LOXL2: variants seen among roughly 807,000 people sequenced by gnomAD.
The protein encoded by LOXL2 is lysyl oxidase homolog 2.
LOXL2 carries 70 observed loss-of-function variants against 93.0 expected under a neutral mutation model. The ratio of observed to expected loss-of-function variants is 0.75; its 90% confidence interval spans 0.62 to 0.92. LOXL2 has a LOEUF of 0.92. Ranked by LOEUF, LOXL2 falls within the 40% of genes least tolerant of loss-of-function variation. The pLI, the probability that LOXL2 is intolerant of heterozygous loss-of-function variation, is 0.00. For missense variants in LOXL2, 973 were observed against 1,054.9 expected (o/e 0.92, Z 1.08); for synonymous variants, 438 against 413.2 (o/e 1.06, Z -0.73).
chr8:23,383,949 C>T (rs533593566), intron 1 of LOXL2, among the ~76,000 whole-genome samples: 2 of 152,224 alleles, frequency 1.3e-5, no homozygotes, highest in East Asian at 1.9e-4. Flanking sequence ...CGTGAGCCAC[C>T]GTGCCCGGCC....
chr8:23,398,014 G>C (rs1585386572), intron 1 of LOXL2, among the ~76,000 whole-genome samples: 1 of 147,600 alleles, frequency 6.8e-6, no homozygotes, highest in Non-Finnish European at 1.5e-5. Flanking sequence ...TTTTATATTT[G>C]TAATTGTTTT....
intron 6 of LOXL2, among the ~76,000 whole-genome samples, chr8:23,322,632 C>T (rs1407673669): frequency 1.3e-5 from 2 of 152,206 alleles, no homozygotes; most frequent in East Asian, 1.9e-4. Context: ...ATATTCCATG[C>T]ATTTATGAAT....
chr8:23,343,970 C>A, intron 3 of LOXL2, among the ~76,000 whole-genome samples: 1 of 152,258 alleles, frequency 6.6e-6, no homozygotes, highest in South Asian at 2.1e-4. Context: ...ACAGGGCAGG[C>A]GGCCCGGGCT....
chr8:23,369,775 G>T (rs1187865435), intron 1 of LOXL2, among the ~76,000 whole-genome samples: 1 of 152,122 alleles, frequency 6.6e-6, no homozygotes, highest in Non-Finnish European at 1.5e-5. Flanking sequence ...GTGATGGAGG[G>T]TTCCTGTGAT....
At chr8:23,339,084 G>C (rs1040440368) in intron 4 of LOXL2, among the ~76,000 whole-genome samples, 33 of 152,142 alleles carry the variant, frequency 2.2e-4, no homozygotes, top group Middle Eastern at 6.8e-3. Flanking sequence ...GCTCAGCCCC[G>C]ACAGCCCACC....
At chr8:23,353,774 G>A (rs1383611834) in intron 3 of LOXL2, among the ~76,000 whole-genome samples, 1 of 152,146 alleles carries the variant, frequency 6.6e-6, no homozygotes, top group East Asian at 1.9e-4. Context: ...AAACTACCTT[G>A]TAAATGATGA....
At chr8:23,322,865 T>C (rs1158933508) in intron 6 of LOXL2, among the ~76,000 whole-genome samples, 1 of 152,166 alleles carries the variant, frequency 6.6e-6, no homozygotes, top group Admixed American at 6.5e-5. Context: ...GATTCAAAGA[T>C]GGGTAAGGCA....
intron 1 of LOXL2, among the ~76,000 whole-genome samples, chr8:23,371,741 G>T (rs1804498807): frequency 1.9e-5 from 2 of 104,466 alleles, no homozygotes; most frequent in Admixed American, 2.7e-4. Context: ...GAAAGAGTGA[G>T]AGTCTGTCTC....
In LOXL2 at chr8:23,303,353, T is replaced by C. The variant is rs1803171792; in HGVS notation, c.1925A>G (p.Asn642Ser). Reference protein sequence around the residue: ...MEVFTHYDLLNLNGTKVAEGH... With the variant: ...MEVFTHYDLLSLNGTKVAEGH... ...CTCTGCCACCTTGGTGCCATTGAGGTTCAGCAGGTCATAGTGGGTGAACAC... is the reference window on the plus strand; with the variant it reads ...CTCTGCCACCTTGGTGCCATTGAGGCTCAGCAGGTCATAGTGGGTGAACAC... The change falls in exon 11 of 14, where the codon AAC becomes AGC. Residue 642 changes from asparagine to serine, a missense_variant. By Grantham distance (46) the Asn-to-Ser change is conservative. Transcript: ENST00000389131. 1.9e-6 allele frequency: 3 copies of C among 1,613,438 alleles called. No homozygotes were observed. Among genetic ancestry groups the C allele is most frequent in the Non-Finnish European group, 2.5e-6 (3 of 1,179,816 alleles).
intron 1 of LOXL2, among the ~76,000 whole-genome samples, chr8:23,383,740 A>C (rs1157931801): frequency 7.1e-6 from 1 of 140,280 alleles, no homozygotes; most frequent in Admixed American, 7.6e-5. Flanking sequence ...GGCTCACTGC[A>C]AGCTCTGCCT....
intron 1 of LOXL2, among the ~76,000 whole-genome samples, chr8:23,386,896 G>A (rs1434713457): frequency 6.6e-6 from 1 of 152,184 alleles, no homozygotes; most frequent in African/African-American, 2.4e-5. Context: ...GGTCCGCAAG[G>A]GGAAGGCCTC....
intron 6 of LOXL2, among the ~76,000 whole-genome samples, chr8:23,323,675 ATG>A (rs1803533495): frequency 7.3e-6 from 1 of 136,750 alleles, no homozygotes; most frequent in South Asian, 2.3e-4. Context: ...TAATTATAAT[ATG>A]TGTTTTGCCA....
chr8:23,377,528 T>C (rs1804612698), intron 1 of LOXL2, among the ~76,000 whole-genome samples: 2 of 146,198 alleles, frequency 1.4e-5, no homozygotes, highest in South Asian at 4.4e-4. Flanking sequence ...TGTCTAATGT[T>C]GACAGTGGGG....
intron 3 of LOXL2, among the ~76,000 whole-genome samples, chr8:23,354,790 T>A (rs959453550): frequency 1.3e-5 from 2 of 151,784 alleles, no homozygotes; most frequent in African/African-American, 4.8e-5. Context: ...CCTGGCAGGA[T>A]GTTGTCCAGT....
At chr8:23,311,506 A>T (rs1803318535) in intron 9 of LOXL2, among the ~76,000 whole-genome samples, 1 of 152,216 alleles carries the variant, frequency 6.6e-6, no homozygotes, top group African/African-American at 2.4e-5. Flanking sequence ...CTCTGAGCTG[A>T]GCATGGAGGT....
At chr8:23,306,799 C>T (rs1395053737) in intron 10 of LOXL2, among the ~76,000 whole-genome samples, 2 of 152,234 alleles carry the variant, frequency 1.3e-5, no homozygotes, top group African/African-American at 4.8e-5. Context: ...CATCTGTGCC[C>T]CATGCTTTGT....
chr8:23,317,029 G>A lies in LOXL2; in HGVS notation c.1556C>T (p.Ala519Val), dbSNP rs761360325. 8.7e-6 allele frequency: 14 copies of A among 1,614,054 alleles called. No individual in the cohort carries two copies. Among genetic ancestry groups the A allele is most frequent in the South Asian group, 3.3e-5 (3 of 91,086 alleles). ...GTCCTCCCCGTCGTGGCGGCAGTGCGCCAGGGACAGCTCCGTTCCCGAGCA... is the reference window on the plus strand; with the variant it reads ...GTCCTCCCCGTCGTGGCGGCAGTGCACCAGGGACAGCTCCGTTCCCGAGCA... Reference protein sequence around the residue: ...VKCSGTELSLAHCRHDGEDVA... With the variant: ...VKCSGTELSLVHCRHDGEDVA... The change falls in exon 9 of 14, where the codon GCG becomes GTG. Residue 519 changes from alanine to valine, a missense_variant. Coordinates refer to ENST00000389131, the MANE Select transcript of LOXL2 (RefSeq NM_002318.3).
At position 23,368,385 on chromosome 8, in the gene LOXL2, C is replaced by A; in HGVS notation, c.-34G>T. The A allele has an allele frequency of 6.3e-7, 1 of 1,576,562 alleles. No homozygotes were observed. Among genetic ancestry groups the A allele is most frequent in the Non-Finnish European group, 8.7e-7 (1 of 1,153,538 alleles). Reference sequence around the variant, plus strand: ...TCGGGCTGATGATCCCACGAAGGGGCCCTGCGCAGCTGGGAGGGACAGGCG... The same window carrying A: ...TCGGGCTGATGATCCCACGAAGGGGACCTGCGCAGCTGGGAGGGACAGGCG... On this transcript the variant is annotated 5_prime_UTR_variant, in exon 2 of 14. Coordinates refer to ENST00000389131, the MANE Select transcript of LOXL2 (RefSeq NM_002318.3).
intron 5 of LOXL2, among the ~76,000 whole-genome samples, chr8:23,332,809 C>T (rs1803722808): frequency 1.1e-5 from 1 of 94,856 alleles, no homozygotes; most frequent in African/African-American, 4.3e-5. Flanking sequence ...CACACTCATA[C>T]ACCCCCACTC....
Sources: allele counts gnomAD v4.1 joint callset (sites outside exome capture counted in the v4.1 genomes callset), GRCh38; gene constraint gnomAD v4.1.1; transcripts MANE v1.5; gene names NCBI Gene and HGNC (gene_info 2026-07-23, HGNC 2026-07-21).